Variants in ADPRHL1 observed in about 807,000 individuals in gnomAD.
ADPRHL1 encodes inactive ADP-ribosyltransferase ARH2.
ADPRHL1 carries 43 observed loss-of-function variants against 44.1 expected under a neutral mutation model. The ratio of observed to expected loss-of-function variants is 0.98; its 90% CI spans 0.76 to 1.26. The LOEUF (loss-of-function observed/expected upper bound fraction) is 1.26. Among genes scored for constraint, ADPRHL1 ranks in the 50% most tolerant of loss-of-function variants. The pLI, the probability that ADPRHL1 is intolerant of heterozygous loss-of-function variation, is 0.00. For synonymous variants in ADPRHL1, 878 were observed against 1,017.4 expected, an observed-to-expected ratio of 0.86 and a Z score of 2.61; for missense variants, 2,022 against 2,496.9, an observed-to-expected ratio of 0.81 and a Z score of 4.05.
Position 113,405,105 on chromosome 13 carries a change from C to G in ADPRHL1, c.4177G>C (p.Gly1393Arg). ...GGCGCCACCCTCTTCCCCGCATCCC[C>G]GGGCTGGGGGGTCTCCTCCTGTGCC... ...HQAQEETPQP[G>R]DAGKRVAPSG... is the part of the protein sequence containing the mutation. The change falls in exon 8 of 8, where the codon GGG becomes CGG. Residue 1393 changes from glycine to arginine, a missense_variant. This residue lies in a region of ADPRHL1 where 1,221 missense variants were observed against 1,517.8 expected (regional missense o/e 0.80). Transcript: ENST00000612156. 3 of 1,232,208 alleles carry G rather than the reference C, an allele frequency of 2.4e-6. No homozygotes were observed. The highest frequency in any genetic ancestry group is 3.0e-6 in the Non-Finnish European group (3 of 988,314). 76.3% of individuals were successfully genotyped at this position (1,232,208 alleles called of 1,614,324 possible). A position where few individuals can be genotyped will look rare whatever the true frequency, so the allele number is the denominator to read the frequency against.
At chr13:113,425,753 A>T (rs2043964081) in intron 4 of ADPRHL1, among the ~76,000 whole-genome samples, 1 of 144,804 alleles carries the variant, frequency 6.9e-6, no homozygotes, top group African/African-American at 2.6e-5. Flanking sequence ...CCATCTTGGC[A>T]CACTGCAACC....
intron 5 of ADPRHL1, among the ~76,000 whole-genome samples, chr13:113,424,671 A>ATCCATTCAC (rs1555326568): frequency 9.0e-4 from 3 of 3,348 alleles, no homozygotes; most frequent in East Asian, 0.016. Context: ...CCATCCATTC[A>ATCCATTCAC]CCATCCATTC....
chr13:113,411,090 A>G (rs1209962031), intron 7 of ADPRHL1, among the ~76,000 whole-genome samples: 1 of 152,190 alleles, frequency 6.6e-6, no homozygotes, highest in African/African-American at 2.4e-5. Context: ...AAAGGCCACC[A>G]GGCTCAGCCA....
At position 113,406,100 on chromosome 13, in the gene ADPRHL1, G is replaced by A. The variant is rs1412224367; in HGVS notation, c.3182C>T (p.Thr1061Ile). Residue 1061 changes from threonine to isoleucine, a missense_variant, in exon 8 of 8, where the codon ACA becomes ATA. By Grantham distance (89) the Thr-to-Ile change is moderately conservative (BLOSUM62 -1). Transcript: ENST00000612156. ...GCATTCCTCCAGCGCACCGGGCACT[G>A]TCATGCCCATCGGGGTGACACCCTC... ...GPEGVTPMGMTVPGALEECRR... is the reference protein window; with the variant it reads ...GPEGVTPMGMIVPGALEECRR... 3.3e-6 allele frequency: 4 copies of A among 1,230,240 alleles called. 1 individual carries two copies. The East Asian group carries it at 1.3e-4, about 39-fold the overall frequency. The allele number at this position is 1,230,240 out of a possible 1,614,324, so 76.2% of individuals were successfully genotyped here. A position where few individuals can be genotyped will look rare whatever the true frequency, so the allele number is the denominator to read the frequency against.
At chr13:113,428,910 G>C (rs780193007) in intron 4 of ADPRHL1, 42 bp downstream of exon 4, 2 of 1,609,668 alleles carry the variant, frequency 1.2e-6, no homozygotes, top group Middle Eastern at 1.7e-4. Flanking sequence ...GATCTGTCCA[G>C]ATCTGCTCTG....
chr13:113,424,427 G>T, intron 5 of ADPRHL1, 78 bp from the exon 6 acceptor site: 1 of 1,575,002 alleles, frequency 6.3e-7, no homozygotes. Flanking sequence ...AGCTTTCTGG[G>T]CCCCTCCTAG....
intron 6 of ADPRHL1, among the ~76,000 whole-genome samples, chr13:113,423,187 G>A (rs991180642): frequency 1.3e-5 from 2 of 152,120 alleles, no homozygotes; most frequent in Admixed American, 6.5e-5. Context: ...AACCCGGGAG[G>A]CAGAGGTGGC....
At chr13:113,426,824 C>A (rs999297540) in intron 4 of ADPRHL1, among the ~76,000 whole-genome samples, 4 of 152,150 alleles carry the variant, frequency 2.6e-5, no homozygotes, top group Non-Finnish European at 5.9e-5. Context: ...CCGGGGTTGG[C>A]CAATTCGGAA....
At chr13:113,444,206 C>A (rs2044119675) in intron 2 of ADPRHL1, among the ~76,000 whole-genome samples, 1 of 151,894 alleles carries the variant, frequency 6.6e-6, no homozygotes, top group Admixed American at 6.6e-5. Context: ...CCCGCGCTTG[C>A]CGGGCTGACC....
At chr13:113,411,002 A>G (rs560154956) in intron 7 of ADPRHL1, among the ~76,000 whole-genome samples, 57 of 152,256 alleles carry the variant, frequency 3.7e-4, no homozygotes, top group African/African-American at 1.3e-3. Flanking sequence ...CAGTTGTCTT[A>G]ATGACTTTGC....
At position 113,404,772 on chromosome 13, in the gene ADPRHL1, C is replaced by T. The variant is rs1210818044; in HGVS notation, c.4510G>A (p.Ala1504Thr). Residue 1504 changes from alanine to threonine, a missense_variant, in exon 8 of 8, where the codon GCT becomes ACT. Ala to Thr is a moderately conservative substitution (Grantham distance 58). Coordinates refer to ENST00000612156, the MANE Select transcript of ADPRHL1 (RefSeq NM_001394807.1). Reference sequence around the variant, plus strand: ...GTCTGCCACTGGGCCTGTTCTTGAGCGTGTCCCTGAACCTGTCCCCGGTCC... The same window carrying T: ...GTCTGCCACTGGGCCTGTTCTTGAGTGTGTCCCTGAACCTGTCCCCGGTCC... Reference protein sequence around the residue: ...EWDRGQVQGHAQEQAQWQTQI... With the variant: ...EWDRGQVQGHTQEQAQWQTQI... The T allele has an allele frequency of 2.4e-5, 30 of 1,269,230 alleles. No individual in the cohort carries two copies. Among genetic ancestry groups the T allele is most frequent in the South Asian group, 1.9e-4 (6 of 31,958 alleles). The allele number at this position is 1,269,230 out of a possible 1,614,324, so 78.6% of individuals were successfully genotyped here. A position where few individuals can be genotyped will look rare whatever the true frequency, so the allele number is the denominator to read the frequency against.
At position 113,422,970 on chromosome 13, in the gene ADPRHL1, G is replaced by A. The variant is rs748465787; in HGVS notation, c.917C>T (p.Ala306Val). The A allele has an allele frequency of 6.8e-6, 11 of 1,612,700 alleles. No homozygotes were observed. Among genetic ancestry groups the A allele is most frequent in the South Asian group, 2.2e-5 (2 of 91,080 alleles). ...GCAGCCTGCAATGGTGCCCGTGGCC[G>A]CGCTCTCCCCTGAAACGCAAAGGCA... is the stretch of plus-strand genomic sequence containing the variant. Reference protein sequence around the residue: ...HRAMFHGGESAATGTIAGCLF... With the variant: ...HRAMFHGGESVATGTIAGCLF... Residue 306 changes from alanine to valine, a missense_variant, in exon 7 of 8, where the codon GCG (alanine) becomes GTG (valine). Physicochemically the swap from Ala to Val is moderately conservative, Grantham distance 64. Around this residue, in one of 8 missense-constraint regions of ADPRHL1, gnomAD observed 437 missense variants for 430.7 expected, o/e 1.01. Transcript: ENST00000612156.
In ADPRHL1 at chr13:113,428,998, CACCG is replaced by C; in HGVS notation, c.596_599del (p.Ala199GlyfsTer79). ...TCCTGCAGTACTCTTCTGCCAGAGG[CACCG>C]CCCGCAGCATGTCTCTCCCCCACTG... On this transcript the variant is annotated frameshift_variant, in exon 4 of 8. Transcript: ENST00000612156. LOFTEE classifies it high-confidence loss of function. 6.2e-7 allele frequency: 1 copy of C among 1,612,840 alleles called. No individual in the cohort carries two copies.
chr13:113,422,131 T>G (rs2043928608), intron 7 of ADPRHL1: 1 of 152,202 alleles, frequency 6.6e-6, no homozygotes, highest in African/African-American at 2.4e-5. Flanking sequence ...TTCTCTGCAT[T>G]TGGACTTGGC....
In ADPRHL1 at chr13:113,441,716, G is replaced by A. The variant is rs905650378; in HGVS notation, c.379+2709C>T. ...ACTCTATCCCGCTGCGTGGGTCCAT[G>A]TCTCTATCATGCCATGTCCCGCCAC... On this transcript the variant is annotated intron_variant, in intron 2 of 7. Coordinates refer to ENST00000612156, the MANE Select transcript of ADPRHL1 (RefSeq NM_001394807.1). This position sits in a 1 kb window ranked among gnomAD's most constrained non-coding sequence, Gnocchi z 6.0. 2.0e-5 allele frequency among the ~76,000 whole-genome samples: 3 copies of A among 152,192 alleles called. No individual in the cohort carries two copies. The highest frequency in any genetic ancestry group is 1.3e-4 in the Admixed American group (2 of 15,284).
chr13:113,410,871 C>A (rs1027338413), intron 7 of ADPRHL1, among the ~76,000 whole-genome samples: 1 of 152,230 alleles, frequency 6.6e-6, no homozygotes, highest in Non-Finnish European at 1.5e-5. Context: ...TTCCGCCGGG[C>A]GTCTCTGGAC....
Position 113,403,868 on chromosome 13 carries a change from C to G in ADPRHL1, c.5414G>C (p.Arg1805Pro), listed in dbSNP as rs550543028. 3.2e-6 allele frequency: 4 copies of G among 1,258,458 alleles called. No individual in the cohort carries two copies. The highest frequency in any genetic ancestry group is 4.1e-5 in the Admixed American group (1 of 24,324). The allele number at this position is 1,258,458 out of a possible 1,614,324, so 78.0% of individuals were successfully genotyped here. The stretch of plus-strand genomic sequence containing the variant: ...CATCCCACTTGTCAAGGCCTGTTCC[C>G]GACCCTGTTCCCAAGCCCGTTCCTG... ...GAQERAWEQG[R>P]EQALTSGMAP... The change falls in exon 8 of 8, where the codon CGG (arginine) becomes CCG (proline). Residue 1805 changes from arginine to proline, a missense_variant. Arg to Pro is a moderately radical substitution (Grantham distance 103). Transcript: ENST00000612156.
intron 7 of ADPRHL1, among the ~76,000 whole-genome samples, chr13:113,413,480 G>A (rs2043870596): frequency 6.6e-6 from 1 of 152,236 alleles, no homozygotes; most frequent in African/African-American, 2.4e-5. Flanking sequence ...TGAGAGGGGG[G>A]CCCAGGACTT....
At chr13:113,415,560 G>T (rs1360216753) in intron 7 of ADPRHL1, among the ~76,000 whole-genome samples, 1 of 152,238 alleles carries the variant, frequency 6.6e-6, no homozygotes, top group East Asian at 1.9e-4. Context: ...AGGCCAGTCT[G>T]GCCAACAGGG....
Sources: allele counts gnomAD v4.1 joint callset (sites outside exome capture counted in the v4.1 genomes callset), GRCh38; gene constraint gnomAD v4.1.1; regional missense constraint gnomAD v4.1.1; non-coding constraint Gnocchi (gnomAD v3.1); transcripts MANE v1.5; gene names NCBI Gene and HGNC (gene_info 2026-07-23, HGNC 2026-07-21).